Variants in RALGPS1 observed in about 807,000 individuals in gnomAD.
RALGPS1 encodes ras-specific guanine nucleotide-releasing factor RalGPS1.
A neutral mutation model predicts 78.8 loss-of-function variants in RALGPS1; 19 were observed. The ratio of observed to expected loss-of-function variants is 0.24; its 90% CI spans 0.17 to 0.35. The LOEUF is 0.35. Ranked by LOEUF, RALGPS1 falls within the 10% of genes least tolerant of loss-of-function variation. RALGPS1 has a pLI of 1.00. For synonymous variants in RALGPS1, 228 were observed against 256.3 expected (o/e 0.89, Z 1.06); for missense variants, 454 against 688.3 (o/e 0.66, Z 3.81).
At chr9:127,177,999 A>G in intron 11 of RALGPS1, 1 of 1,537,290 alleles carries the variant, frequency 6.5e-7, no homozygotes, top group South Asian at 1.2e-5. Flanking sequence ...GACTTTAATG[A>G]ACAGAACCAA....
chr9:126,934,642 A>G (rs113014380), intron 1 of RALGPS1, among the ~76,000 whole-genome samples: 9 of 152,190 alleles, frequency 5.9e-5, no homozygotes, highest in African/African-American at 2.2e-4. Flanking sequence ...GGTTTTCTCT[A>G]TTGGTTCTCC....
At chr9:127,069,458 G>A in intron 8 of RALGPS1, 102 bp downstream of exon 8, 1 of 1,373,592 alleles carries the variant, frequency 7.3e-7, no homozygotes, top group Non-Finnish European at 1.0e-6. Context: ...AAGCGACATG[G>A]CCCGTAGATA....
intron 1 of RALGPS1, among the ~76,000 whole-genome samples, chr9:126,918,523 A>G (rs1012781060): frequency 2.6e-5 from 4 of 151,984 alleles, no homozygotes; most frequent in African/African-American, 7.3e-5. Context: ...GAGTCTCACT[A>G]TGTTGCCCAG....
chr9:126,944,461 T>A (rs182573689), intron 1 of RALGPS1, among the ~76,000 whole-genome samples: 10 of 151,822 alleles, frequency 6.6e-5, no homozygotes, highest in Non-Finnish European at 8.8e-5. Flanking sequence ...ACGTAACAGG[T>A]GTAAAATGCC....
chr9:127,054,464 G>A (rs1247999246), intron 7 of RALGPS1, among the ~76,000 whole-genome samples: 2 of 152,146 alleles, frequency 1.3e-5, no homozygotes, highest in African/African-American at 4.8e-5. Flanking sequence ...AATACAGAGG[G>A]CTGGGTGTCT....
At chr9:127,035,108 C>T (rs1453792347) in intron 5 of RALGPS1, among the ~76,000 whole-genome samples, 5 of 152,158 alleles carry the variant, frequency 3.3e-5, no homozygotes, top group Admixed American at 1.3e-4. Flanking sequence ...CCTTCCTTGC[C>T]GGCCTGGGAG....
chr9:126,962,161 T>G, intron 1 of RALGPS1, 64 bp from the exon 2 acceptor site: 1 of 830,826 alleles, frequency 1.2e-6, no homozygotes, highest in South Asian at 1.6e-5. Flanking sequence ...GGTACAACTT[T>G]TGCCTGGGGG....
intron 8 of RALGPS1, among the ~76,000 whole-genome samples, chr9:127,110,655 C>T (rs931086957): frequency 3.9e-5 from 6 of 152,230 alleles, no homozygotes; most frequent in Non-Finnish European, 8.8e-5. Context: ...TATCTCCAAC[C>T]CAACCTGTTC....
intron 3 of RALGPS1, among the ~76,000 whole-genome samples, chr9:126,968,774 C>G (rs768562318): frequency 6.6e-6 from 1 of 152,132 alleles, no homozygotes; most frequent in Non-Finnish European, 1.5e-5. Context: ...ATCGTCCGGG[C>G]GCGGTGGCTC....
chr9:126,948,658 C>G (rs2037508107), intron 1 of RALGPS1, among the ~76,000 whole-genome samples: 1 of 152,156 alleles, frequency 6.6e-6, no homozygotes. Context: ...CTTCAGCATA[C>G]AGAGCCTGGG....
chr9:127,027,869 A>G (rs1376577537), intron 4 of RALGPS1, among the ~76,000 whole-genome samples: 1 of 152,220 alleles, frequency 6.6e-6, no homozygotes, highest in Non-Finnish European at 1.5e-5. Flanking sequence ...ACATGTGGCA[A>G]TCTCTCTGAG....
intron 1 of RALGPS1, among the ~76,000 whole-genome samples, chr9:126,958,890 T>A (rs887142771): frequency 6.6e-6 from 1 of 152,196 alleles, no homozygotes; most frequent in African/African-American, 2.4e-5. Flanking sequence ...CAGCAACGCG[T>A]GAGGGTTCTG....
chr9:127,171,314 A>AC (rs771171859), intron 10 of RALGPS1, among the ~76,000 whole-genome samples: 16 of 152,300 alleles, frequency 1.1e-4, no homozygotes, highest in Non-Finnish European at 2.2e-4. Context: ...ATTCTACTAC[A>AC]CTGGCTATTT....
rs1274168275 is a variant in RALGPS1, at chr9:127,220,317, G to C, written c.*1548G>C. 1 of 152,124 alleles carries C rather than the reference G, an allele frequency of 6.6e-6. No individual in the cohort carries two copies. Among genetic ancestry groups the C allele is most frequent in the Non-Finnish European group, 1.5e-5 (1 of 68,032 alleles). The allele number at this position is 152,124 out of a possible 1,614,324, so 9.4% of individuals were successfully genotyped here. A position where few individuals can be genotyped will look rare whatever the true frequency, so the allele number is the denominator to read the frequency against. ...ACATCTACACCAGTAAAGTGTAATA[G>C]GTCAGTTTCAAAACGACCAAAAGAC... is the stretch of plus-strand genomic sequence containing the variant. On this transcript the variant is annotated 3_prime_UTR_variant, in exon 19 of 19. Coordinates refer to ENST00000259351, the MANE Select transcript of RALGPS1 (RefSeq NM_014636.3).
At chr9:126,957,515 A>T (rs2038458511) in intron 1 of RALGPS1, among the ~76,000 whole-genome samples, 1 of 151,778 alleles carries the variant, frequency 6.6e-6, no homozygotes, top group Admixed American at 6.6e-5. Context: ...TCCTGTGGTG[A>T]CTCTCTGTTA....
At chr9:127,202,534 G>A (rs1029598821) in intron 14 of RALGPS1, among the ~76,000 whole-genome samples, 7 of 152,140 alleles carry the variant, frequency 4.6e-5, no homozygotes, top group African/African-American at 1.7e-4. Flanking sequence ...AGAGCAAAGG[G>A]GACCCTCTTC....
chr9:127,084,192 T>C (rs953062976), intron 8 of RALGPS1, among the ~76,000 whole-genome samples: 1 of 152,036 alleles, frequency 6.6e-6, no homozygotes, highest in Non-Finnish European at 1.5e-5. Context: ...CTCCCAAAGT[T>C]CTGGGAGGCG....
chr9:127,034,563 G>A (rs1475093071), intron 5 of RALGPS1, 49 bp downstream of exon 5: 1 of 1,534,826 alleles, frequency 6.5e-7, no homozygotes, highest in Non-Finnish European at 9.0e-7. Context: ...ATCTGCTGCT[G>A]TCCCCTGTAG....
intron 8 of RALGPS1, chr9:127,108,606 G>T (rs1294486471): frequency 1.2e-6 from 2 of 1,613,618 alleles, no homozygotes; most frequent in African/African-American, 1.3e-5. Flanking sequence ...GCTTGTACCT[G>T]TTTAGGTAAA....
Sources: gnomAD v4.1 joint callset for allele counts (sites outside exome capture counted in the v4.1 genomes callset) on GRCh38, gnomAD v4.1.1 for gene constraint, MANE v1.5 for transcripts, NCBI Gene and HGNC (gene_info 2026-07-23, HGNC 2026-07-21) for gene names.